Variants in MYBPC3 observed in about 807,000 individuals in gnomAD.
MYBPC3 encodes the protein myosin binding protein C3.
A neutral mutation model predicts 159.3 loss-of-function variants in MYBPC3; 108 were observed. That is an observed-to-expected ratio of 0.68 (90% CI 0.58 to 0.80). MYBPC3 has a LOEUF of 0.80. MYBPC3 is among the 30% of genes least tolerant of loss of function. MYBPC3 has a pLI of 0.00. For synonymous variants in MYBPC3, 730 were observed against 702.0 expected (o/e 1.04, Z -0.63); for missense variants, 1,631 against 1,762.1 (o/e 0.93, Z 1.33).
At chr11:47,333,367 C>T (rs1344423006) in intron 29 of MYBPC3, 34 bp from the exon 30 acceptor site, 4 of 1,529,764 alleles carry the variant, frequency 2.6e-6, no homozygotes, top group Non-Finnish European at 3.5e-6. Flanking sequence ...GTCACCACGC[C>T]TCCTGACAGT....
At chr11:47,343,977 C>T (rs1456533459) in intron 12 of MYBPC3, among the ~76,000 whole-genome samples, 3 of 152,098 alleles carry the variant, frequency 2.0e-5, no homozygotes, top group East Asian at 3.9e-4. Flanking sequence ...TTAGTAGAGA[C>T]GGGGTTTTAC....
At chr11:47,348,350 T>C in intron 6 of MYBPC3, 74 bp downstream of exon 6, 1 of 1,091,558 alleles carries the variant, frequency 9.2e-7, no homozygotes, top group Non-Finnish European at 1.4e-6. Context: ...TCCTCCTTAG[T>C]GTTGGGAAAA....
chr11:47,348,478 C>A lies in MYBPC3; in HGVS notation c.718G>T (p.Glu240Ter). 6.2e-7 allele frequency: 1 copy of A among 1,613,426 alleles called. No individual in the cohort carries two copies. The highest frequency in any genetic ancestry group is 1.1e-5 in the South Asian group (1 of 90,968). Residue 240 changes from glutamate to a stop codon, truncating the protein, a stop_gained, in exon 6 of 35, where the codon GAG becomes TAG. Coordinates refer to ENST00000545968, the MANE Select transcript of MYBPC3 (RefSeq NM_000256.3). LOFTEE classifies it high-confidence loss of function. ...TCAAATTTGTCCTTGGTGGACACCT[C>A]ACAGCGGTAGCTGCCAGTGAAGGCA... ...QPAFTGSYRC[E>*]VSTKDKFDCS...
chr11:47,343,729 C>G, intron 12 of MYBPC3, 105 bp from the exon 13 acceptor site: 1 of 1,133,576 alleles, frequency 8.8e-7, no homozygotes, highest in Non-Finnish European at 1.2e-6. Flanking sequence ...CCTCCAATCC[C>G]CTCTGTGCCG....
In MYBPC3 at chr11:47,341,188, AAGCTGTAGTCAGC is replaced by A; in HGVS notation, c.1834_1846del (p.Ala612LeufsTer47). ...GTTGCAGGCGAAGCCCTCGGGCACA[AAGCTGTAGTCAGC>A]CTCGTCGGCAGGTGTGACGTCGTCA... On this transcript the variant is annotated frameshift_variant, in exon 19 of 35. Coordinates refer to ENST00000545968, the MANE Select transcript of MYBPC3 (RefSeq NM_000256.3). LOFTEE classifies it high-confidence loss of function. The A allele has an allele frequency of 1.9e-6, 3 of 1,593,414 alleles. No individual in the cohort carries two copies. The highest frequency in any genetic ancestry group is 1.3e-5 in the African/African-American group (1 of 74,378).
intron 29 of MYBPC3, 89 bp downstream of exon 29, chr11:47,333,468 G>A (rs1595841688): frequency 1.3e-6 from 2 of 1,550,900 alleles, no homozygotes; most frequent in East Asian, 4.6e-5. Flanking sequence ...TGTGAGCTGT[G>A]GGTTGGGTCC....
Position 47,342,916 on chromosome 11 carries a change from C to G in MYBPC3, c.1371G>C (p.Thr457=), listed in dbSNP as rs538072263. Residue 457 remains threonine (T), a synonymous_variant, in exon 16 of 35, where the codon ACG becomes ACC. Transcript: ENST00000545968. The stretch of plus-strand genomic sequence containing the variant: ...TCACCAGCTGGTCCTCCAAGGGGCG[C>G]GTGATGAGCACAGGGGGCTCTGTCC... The part of the protein sequence containing the change: ...LFVKEPPVLI[T]RPLEDQLVMV... 1 of 1,611,920 alleles carries G rather than the reference C, an allele frequency of 6.2e-7. No homozygotes were observed. Among genetic ancestry groups the G allele is most frequent in the Non-Finnish European group, 8.5e-7 (1 of 1,179,004 alleles).
At chr11:47,337,630 C>T in intron 24 of MYBPC3, 51 bp from the exon 25 acceptor site, 1 of 1,612,038 alleles carries the variant, frequency 6.2e-7, no homozygotes, top group Non-Finnish European at 8.5e-7. Flanking sequence ...CATCCCCACA[C>T]CACCTTCCCT....
At chr11:47,350,459 C>A (rs1003916095) in intron 3 of MYBPC3, 43 bp downstream of exon 3, 3 of 1,542,144 alleles carry the variant, frequency 1.9e-6, no homozygotes, top group Non-Finnish European at 2.6e-6. Flanking sequence ...CCTGGACACG[C>A]CCTACCCACG....
intron 25 of MYBPC3, chr11:47,336,226 GC>G: frequency 2.7e-6 from 1 of 372,782 alleles, no homozygotes; most frequent in Admixed American, 4.7e-5. Context: ...GGTGGCTCAC[GC>G]CTGTAATCCC....
At chr11:47,350,447 G>A in intron 3 of MYBPC3, 55 bp downstream of exon 3, 2 of 1,538,102 alleles carry the variant, frequency 1.3e-6, no homozygotes, top group Non-Finnish European at 8.7e-7. Context: ...TTTGAGACCT[G>A]CCCTGGACAC....
chr11:47,346,326 A>T lies in MYBPC3; in HGVS notation c.971T>A (p.Ile324Asn). The T allele has an allele frequency of 6.2e-7, 1 of 1,611,076 alleles. No individual in the cohort carries two copies. The highest frequency in any genetic ancestry group is 1.3e-5 in the African/African-American group (1 of 74,996). ...EAPAEEDVWE[I>N]LRQAPPSEYE... ...CTCAGATGGGGGTGCCTGCCGTAGG[A>T]TCTCCCACACGTCCTCCTCTGCTGG... The change falls in exon 12 of 35, where the codon ATC (isoleucine) becomes AAC (asparagine). Residue 324 changes from isoleucine to asparagine, a missense_variant. By Grantham distance (149) the Ile-to-Asn change is moderately radical. Coordinates refer to ENST00000545968, the MANE Select transcript of MYBPC3 (RefSeq NM_000256.3). The surrounding 1 kb of genome is among the most constrained non-coding windows in gnomAD (Gnocchi z 5.3).
chr11:47,350,220 T>G, intron 3 of MYBPC3, 108 bp from the exon 4 acceptor site: 1 of 1,291,300 alleles, frequency 7.7e-7, no homozygotes, highest in Non-Finnish European at 1.1e-6. Flanking sequence ...GCCTCCCAGG[T>G]TCACACCATT....
chr11:47,340,245 A>G lies in MYBPC3; in HGVS notation c.1928-455T>C, dbSNP rs2095887125. ...CATACACGCACACACACAGACACAG[A>G]CACACATATATACATACACACACAG... On this transcript the variant is annotated intron_variant, in intron 20 of 34. Coordinates refer to ENST00000545968, the MANE Select transcript of MYBPC3 (RefSeq NM_000256.3). 3.9e-5 allele frequency among the ~76,000 whole-genome samples: 6 copies of G among 152,100 alleles called. No individual in the cohort carries two copies. The South Asian group carries it at 1.0e-3, about 26-fold the overall frequency.
Position 47,332,980 on chromosome 11 carries a change from G to T in MYBPC3, c.3331-7C>A. 6.2e-7 allele frequency: 1 copy of T among 1,606,438 alleles called. No homozygotes were observed. The stretch of plus-strand genomic sequence containing the variant: ...CCAAGACGGTGAACCACTCCTGGGG[G>T]CAGGGAGGGAGGGGAGGCATCTCTG... On this transcript the variant is annotated splice_polypyrimidine_tract_variant and splice_region_variant and intron_variant, in intron 30 of 34. Transcript: ENST00000545968. The surrounding 1 kb of genome is among the most constrained non-coding windows in gnomAD (Gnocchi z 4.2).
In MYBPC3 at chr11:47,333,693, C is replaced by A; in HGVS notation, c.3054G>T (p.Glu1018Asp). The A allele has an allele frequency of 6.2e-7, 1 of 1,610,866 alleles. No individual in the cohort carries two copies. The highest frequency in any genetic ancestry group is 8.5e-7 in the Non-Finnish European group (1 of 1,179,266). Residue 1018 changes from glutamate (E) to aspartate (D), a missense_variant, in exon 29 of 35, where the codon GAG becomes GAT. Glu to Asp is a conservative substitution (Grantham distance 45). Coordinates refer to ENST00000545968, the MANE Select transcript of MYBPC3 (RefSeq NM_000256.3). ...TKEGQPLAGE[E>D]VSIRNSPTDT... ...CTGTGGGGCTGTTGCGGATGCTCAC[C>A]TCCTCGCCTGCCAGGGGCTGCCCCT...
intron 5 of MYBPC3, 122 bp from the exon 6 acceptor site, chr11:47,348,663 GGAGGCT>G: frequency 1.5e-6 from 1 of 658,482 alleles, no homozygotes; most frequent in Non-Finnish European, 2.5e-6. Flanking sequence ...CCCCACTTTG[GGAGGCT>G]GAGGCGGGCG....
Position 47,332,293 on chromosome 11 carries a change from C to G in MYBPC3, c.3628-35G>C, listed in dbSNP as rs1317430645. On this transcript the variant is annotated intron_variant, in intron 32 of 34. Coordinates refer to ENST00000545968, the MANE Select transcript of MYBPC3 (RefSeq NM_000256.3). This position sits in a 1 kb window ranked among gnomAD's most constrained non-coding sequence, Gnocchi z 4.2. ...AGGTAAAGAGAGGGAGGGAAGCCAT[C>G]CAGGCTGAGAGGGGACCTGGCAGGG... is the stretch of plus-strand genomic sequence containing the variant. 1.7e-5 allele frequency: 27 copies of G among 1,602,932 alleles called. No homozygotes were observed. Among genetic ancestry groups the G allele is most frequent in the Non-Finnish European group, 2.3e-5 (27 of 1,175,686 alleles).
intron 5 of MYBPC3, among the ~76,000 whole-genome samples, chr11:47,348,926 A>ATATATATATATATATATATT (rs1189066410): frequency 7.6e-6 from 1 of 131,318 alleles, no homozygotes; most frequent in Non-Finnish European, 1.6e-5. Context: ...ATATATATAT[A>ATATATATATATATATATATT]TTTAAAGGAG....
Sources: allele counts gnomAD v4.1 joint callset (sites outside exome capture counted in the v4.1 genomes callset), GRCh38; gene constraint gnomAD v4.1.1; non-coding constraint Gnocchi (gnomAD v3.1); transcripts MANE v1.5; gene names NCBI Gene and HGNC (gene_info 2026-07-23, HGNC 2026-07-21).